The following KLHL13 variants were observed in gnomAD, a reference collection of about 807,000 sequenced individuals.
The protein encoded by KLHL13 is kelch-like protein 13.
Under a neutral mutation model 37.1 loss-of-function variants are expected in KLHL13, and 10 were observed. That is an observed-to-expected ratio of 0.27 (90% confidence interval 0.17 to 0.46). The LOEUF (loss-of-function observed/expected upper bound fraction) is 0.46. Among genes scored for constraint, KLHL13 ranks in the 20% least tolerant of loss-of-function variants. The pLI is 1.00. For missense variants in KLHL13, 360 were observed against 509.3 expected (o/e 0.71, Z 2.82); for synonymous variants, 163 against 181.2 (o/e 0.90, Z 0.81).
chrX:117,930,282 A>AAGGAAGGC (rs1932367270), intron 2 of KLHL13, among the ~76,000 whole-genome samples: 1 of 90,270 alleles, frequency 1.1e-5, no homozygotes, highest in Non-Finnish European at 2.1e-5. Context: ...GGAAGGAAGG[A>AAGGAAGGC]AGGAAGGAAG....
At chrX:117,973,639 C>A in exon 1 of KLHL13, 1 of 871,796 alleles carries the variant, frequency 1.1e-6, no homozygotes, top group Non-Finnish European at 1.4e-6. Flanking sequence ...TATTTCCAAG[C>A]TGAGATGAGC....
rs150560689 is a variant in KLHL13 at position 118,005,032 on chromosome X, A to G, written c.-55-59457T>C. On this transcript the variant is annotated intron_variant, in intron 1 of 6. Coordinates refer to the KLHL13 transcript ENST00000371882. ...TTCCAGATAGAAAAACACTAAAAAG[A>G]CATTACAATTAATTGCAATGCATAA... Among the ~76,000 whole-genome samples, 1,112 of 112,344 alleles carry G rather than the reference A, an allele frequency of 9.9e-3. 4 individuals carry two copies. The highest frequency in any genetic ancestry group is 0.018 in the Middle Eastern group (4 of 218).
At chrX:118,036,400 A>C (rs1286746947) in intron 1 of KLHL13, among the ~76,000 whole-genome samples, 1 of 111,731 alleles carries the variant, frequency 9.0e-6, no homozygotes, top group Non-Finnish European at 1.9e-5. Context: ...ACAGAGATAT[A>C]GATCAATGAA....
chrX:118,065,580 A>T (rs926499007), intron 1 of KLHL13, among the ~76,000 whole-genome samples: 1 of 111,849 alleles, frequency 8.9e-6, no homozygotes, highest in African/African-American at 3.2e-5. Flanking sequence ...CAGAGAAATC[A>T]GAGAAAGCCA....
At chrX:118,023,762 G>A (rs1406699159) in intron 1 of KLHL13, among the ~76,000 whole-genome samples, 1 of 110,953 alleles carries the variant, frequency 9.0e-6, no homozygotes, top group Admixed American at 9.6e-5. Context: ...AGTAGAGACA[G>A]GATTTCACCA....
In KLHL13 at chrX:118,026,698, G is replaced by C. The variant is rs773959048; in HGVS notation, c.-55-81123C>G. Among the ~76,000 whole-genome samples the C allele has an allele frequency of 1.9e-3, 211 of 111,597 alleles. 1 individual carries two copies. Among genetic ancestry groups the C allele is most frequent in the Non-Finnish European group, 3.2e-3 (169 of 53,085 alleles). ...AATTTGCAAGGAAAAAATTAATCTT[G>C]CTCATGCCCTAATTAAAGAGGACCA... On this transcript the variant is annotated intron_variant, in intron 1 of 6. Coordinates refer to the KLHL13 transcript ENST00000371882.
intron 2 of KLHL13, among the ~76,000 whole-genome samples, chrX:117,927,788 C>T (rs1932163648): frequency 9.0e-6 from 1 of 111,517 alleles, no homozygotes; most frequent in African/African-American, 3.3e-5. Flanking sequence ...AAAAATAAAG[C>T]GACAGAAAAC....
chrX:118,080,182 C>T lies in KLHL13; in HGVS notation c.-56+36326G>A, dbSNP rs149260705. Among the ~76,000 whole-genome samples the T allele has an allele frequency of 8.0e-3, 892 of 111,391 alleles. 13 individuals are homozygous for T. The highest frequency in any genetic ancestry group is 0.027 in the African/African-American group (821 of 30,758). On this transcript the variant is annotated intron_variant, in intron 1 of 6. Transcript: ENST00000371882. ...AAACTATAAAAAGTGTAGAAGAAAA[C>T]CTATGAATACTCTTTTCAACATCAG...
At chrX:117,925,328 C>A (rs956420387) in intron 2 of KLHL13, among the ~76,000 whole-genome samples, 2 of 111,333 alleles carry the variant, frequency 1.8e-5, no homozygotes, top group Non-Finnish European at 3.8e-5. Flanking sequence ...TGATCATTGT[C>A]ATTTTAAGTA....
chrX:117,930,274 A>AGGC (rs1932361093), intron 2 of KLHL13, among the ~76,000 whole-genome samples: 54 of 91,344 alleles, frequency 5.9e-4, no homozygotes, highest in African/African-American at 2.4e-3. Context: ...GGAAGGAAGG[A>AGGC]AGGAAGGAAG....
At chrX:117,904,398 G>A (rs1424298052) in intron 5 of KLHL13, among the ~76,000 whole-genome samples, 2 of 111,026 alleles carry the variant, frequency 1.8e-5, no homozygotes, top group Non-Finnish European at 3.8e-5. Flanking sequence ...ACTCTGATGG[G>A]AAGAGGGAGT....
intron 5 of KLHL13, among the ~76,000 whole-genome samples, chrX:117,906,903 CAT>C (rs1482966305): frequency 5.4e-5 from 6 of 110,930 alleles, no homozygotes; most frequent in African/African-American, 2.0e-4. Context: ...ATTATAATGA[CAT>C]GTGCCTTTTT....
chrX:118,107,645 C>G (rs1417346378), intron 1 of KLHL13, among the ~76,000 whole-genome samples: 1 of 111,927 alleles, frequency 8.9e-6, no homozygotes, highest in African/African-American at 3.2e-5. Flanking sequence ...GGGAGATAAA[C>G]AAGGCTCAGA....
intron 1 of KLHL13, among the ~76,000 whole-genome samples, chrX:118,090,080 CAAA>C (rs55679488): frequency 1.9e-3 from 102 of 53,646 alleles, no homozygotes; most frequent in African/African-American, 6.2e-3. Context: ...GACTCTGTCT[CAAA>C]AAAAAAAAAA....
At chrX:118,031,984 C>A (rs6645433) in intron 1 of KLHL13, among the ~76,000 whole-genome samples, 2 of 109,885 alleles carry the variant, frequency 1.8e-5, no homozygotes, top group Admixed American at 9.7e-5. Flanking sequence ...GGTGACAGAC[C>A]GCACCTAGAA....
At chrX:117,954,777 T>C (rs1028962437) in intron 1 of KLHL13, among the ~76,000 whole-genome samples, 1 of 112,156 alleles carries the variant, frequency 8.9e-6, no homozygotes, top group African/African-American at 3.2e-5. Context: ...TGGTGAAGCA[T>C]AGGCCCTCTA....
At chrX:117,964,920 T>C (rs2053389635) in intron 1 of KLHL13, among the ~76,000 whole-genome samples, 1 of 111,742 alleles carries the variant, frequency 8.9e-6, no homozygotes, top group Non-Finnish European at 1.9e-5. Flanking sequence ...CATGAACTCA[T>C]CATTTTTTAT....
At chrX:118,074,699 A>G (rs980157488) in intron 1 of KLHL13, among the ~76,000 whole-genome samples, 1 of 112,017 alleles carries the variant, frequency 8.9e-6, no homozygotes, top group Non-Finnish European at 1.9e-5. Context: ...CTGGACCTCC[A>G]GTAAAGTCAT....
rs750501479 is a variant in KLHL13, at chrX:118,078,450, GT to G, written c.-56+38057del. Among the ~76,000 whole-genome samples, 4 of 111,134 alleles carry G rather than the reference GT, an allele frequency of 3.6e-5. No individual in the cohort carries two copies. In the East Asian group the frequency reaches 1.1e-3, roughly 31 times the overall value. On this transcript the variant is annotated intron_variant, in intron 1 of 6. Transcript: ENST00000371882. ...CCCATTCTCCAGCAAGCACTAACTT[GT>G]TTTCTGTCCCTATAATTTTGCCTTT...
Sources: gnomAD v4.1 joint callset for allele counts (sites outside exome capture counted in the v4.1 genomes callset) on GRCh38, gnomAD v4.1.1 for gene constraint, MANE v1.5 for transcripts, NCBI Gene and HGNC (gene_info 2026-07-23, HGNC 2026-07-21) for gene names.